The following RBFOX1 variants were observed in gnomAD, a reference collection of about 807,000 sequenced individuals.
RBFOX1 encodes the protein RNA binding protein fox-1 homolog 1.
A neutral mutation model predicts 57.7 loss-of-function variants in RBFOX1; 8 were observed. The observed-to-expected ratio is 0.14, with a 90% CI of 0.08 to 0.25. The LOEUF (loss-of-function observed/expected upper bound fraction) is 0.25. Among genes scored for constraint, RBFOX1 ranks in the 10% least tolerant of loss-of-function variants. The probability of loss-of-function intolerance (pLI) is 1.00; values close to 1 mark genes in which losing one functional copy is unlikely to be tolerated. For missense variants in RBFOX1, 611 were observed against 548.5 expected (o/e 1.11, Z -1.14); for synonymous variants, 326 against 222.4 (o/e 1.47, Z -4.15).
chr16:5,302,576 A>T (rs1333706548), intron 1 of RBFOX1, among the ~76,000 whole-genome samples: 1 of 152,210 alleles, frequency 6.6e-6, no homozygotes, highest in Non-Finnish European at 1.5e-5. Context: ...TCTTTCAATT[A>T]TTGCATCATC....
chr16:5,769,487 C>CA (rs113487749), intron 3 of RBFOX1, among the ~76,000 whole-genome samples: 7,519 of 121,492 alleles, frequency 0.062, 567 homozygotes, highest in African/African-American at 0.2. Flanking sequence ...CTAAAAAATA[C>CA]AAAAAAAAAA....
rs1161510981 is a variant in RBFOX1 at position 5,763,025 on chromosome 16, C to T, written c.319-104278C>T. On this transcript the variant is annotated intron_variant, in intron 3 of 19. Coordinates refer to the RBFOX1 transcript ENST00000641259. ...GTATATTATGAGCATGTACTGTTTG[C>T]ACATATCTGTTTTTAAAGAAAAACT... Among the ~76,000 whole-genome samples, 8 of 152,056 alleles carry T rather than the reference C, an allele frequency of 5.3e-5. 1 individual carries two copies. The highest frequency in any genetic ancestry group is 1.2e-4 in the Non-Finnish European group (8 of 68,010).
chr16:5,399,899 G>A (rs77686055), intron 1 of RBFOX1, among the ~76,000 whole-genome samples: 1 of 151,954 alleles, frequency 6.6e-6, no homozygotes, highest in Non-Finnish European at 1.5e-5. Flanking sequence ...TTATCTTACT[G>A]TTGATTTTAT....
chr16:6,183,577 G>C (rs1010862094), intron 1 of RBFOX1, among the ~76,000 whole-genome samples: 1 of 152,098 alleles, frequency 6.6e-6, no homozygotes, highest in Non-Finnish European at 1.5e-5. Flanking sequence ...TGTTATATAT[G>C]AGAGAGGGGT....
In RBFOX1 at chr16:7,130,361, C is replaced by G. The variant is rs577090432; in HGVS notation, c.27+78263C>G. On this transcript the variant is annotated intron_variant, in intron 4 of 15. Coordinates refer to ENST00000550418, the MANE Select transcript of RBFOX1 (RefSeq NM_018723.4). ...TGAAGACTGATTATTTTTAAGCCAG[C>G]TGAATGGGTTAAGTGTTTGTCCATT... Among the ~76,000 whole-genome samples, 10 of 152,212 alleles carry G rather than the reference C, an allele frequency of 6.6e-5. 1 individual carries two copies. The South Asian group carries it at 2.1e-3, about 32-fold the overall frequency.
At chr16:6,123,475 G>T (rs550672269) in intron 1 of RBFOX1, among the ~76,000 whole-genome samples, 9 of 152,294 alleles carry the variant, frequency 5.9e-5, no homozygotes, top group African/African-American at 2.2e-4. Context: ...ACTGAAAGTA[G>T]AATAGAGGTT....
intron 14 of RBFOX1, among the ~76,000 whole-genome samples, chr16:7,707,370 T>TAA (rs1293429914): frequency 1.3e-5 from 2 of 151,962 alleles, no homozygotes; most frequent in Non-Finnish European, 2.9e-5. Context: ...CTACCAACCA[T>TAA]GAGAAAGCTT....
chr16:5,333,838 G>A (rs1201775028), intron 1 of RBFOX1, among the ~76,000 whole-genome samples: 1 of 152,178 alleles, frequency 6.6e-6, no homozygotes, highest in African/African-American at 2.4e-5. Context: ...TAGTATTTGT[G>A]TATCATATCT....
chr16:7,105,696 A>C (rs9673633), intron 4 of RBFOX1, among the ~76,000 whole-genome samples: 86,756 of 151,706 alleles, frequency 0.57, 25,159 homozygotes, highest in African/African-American at 0.66. Context: ...CTATCTCTCT[A>C]TATATATCTA....
chr16:5,718,897 A>C (rs2051820377), intron 3 of RBFOX1, among the ~76,000 whole-genome samples: 1 of 151,932 alleles, frequency 6.6e-6, no homozygotes, highest in East Asian at 1.9e-4. Context: ...TGACAGAGTG[A>C]GATTGCTTCT....
intron 1 of RBFOX1, among the ~76,000 whole-genome samples, chr16:5,345,619 G>C (rs1205671792): frequency 6.6e-6 from 1 of 152,212 alleles, no homozygotes; most frequent in Non-Finnish European, 1.5e-5. Flanking sequence ...TATTGAGTCT[G>C]CATTTGGCCG....
chr16:6,283,455 A>T (rs903220967), intron 1 of RBFOX1, among the ~76,000 whole-genome samples: 2 of 152,202 alleles, frequency 1.3e-5, no homozygotes, highest in African/African-American at 4.8e-5. Flanking sequence ...AGATTCTGCC[A>T]TTGAAGTGGA....
intron 2 of RBFOX1, among the ~76,000 whole-genome samples, chr16:5,504,549 C>A (rs184675542): frequency 6.6e-6 from 1 of 152,216 alleles, no homozygotes; most frequent in Non-Finnish European, 1.5e-5. Context: ...ACGCCCTCCA[C>A]GCGCCTGGTG....
At chr16:6,653,761 A>G (rs969227524) in intron 2 of RBFOX1, among the ~76,000 whole-genome samples, 1 of 148,918 alleles carries the variant, frequency 6.7e-6, no homozygotes, top group Non-Finnish European at 1.5e-5. Context: ...TGGGTAGATG[A>G]ATGGGTGGAT....
intron 2 of RBFOX1, among the ~76,000 whole-genome samples, chr16:6,402,982 T>C (rs543282405): frequency 6.6e-6 from 1 of 152,228 alleles, no homozygotes; most frequent in African/African-American, 2.4e-5. Flanking sequence ...AACCCTTGGC[T>C]TCTCAGTTTT....
chr16:5,859,724 T>C (rs1026489194), intron 3 of RBFOX1, among the ~76,000 whole-genome samples: 2 of 152,218 alleles, frequency 1.3e-5, no homozygotes, highest in Non-Finnish European at 2.9e-5. Flanking sequence ...TCTTATAAAA[T>C]GCTATTTCCA....
At chr16:6,991,864 A>G (rs1420888375) in intron 3 of RBFOX1, among the ~76,000 whole-genome samples, 1 of 152,198 alleles carries the variant, frequency 6.6e-6, no homozygotes, top group African/African-American at 2.4e-5. Context: ...TAATGTGCAT[A>G]GGAATCACTT....
At chr16:5,962,336 G>C (rs1176010535) in intron 4 of RBFOX1, among the ~76,000 whole-genome samples, 5 of 152,096 alleles carry the variant, frequency 3.3e-5, no homozygotes, top group African/African-American at 1.2e-4. Flanking sequence ...CTGCTATCAG[G>C]ACAGTTTTCT....
intron 5 of RBFOX1, among the ~76,000 whole-genome samples, chr16:7,526,698 C>T (rs928548134): frequency 1.3e-5 from 2 of 152,210 alleles, no homozygotes; most frequent in African/African-American, 2.4e-5. Flanking sequence ...AAAATCATAA[C>T]TTTTGCTCAT....
Sources: gnomAD v4.1 joint callset for allele counts (sites outside exome capture counted in the v4.1 genomes callset) on GRCh38, gnomAD v4.1.1 for gene constraint, MANE v1.5 for transcripts, NCBI Gene and HGNC (gene_info 2026-07-23, HGNC 2026-07-21) for gene names.